FANCB: variants seen among roughly 807,000 people sequenced by gnomAD.
The protein encoded by FANCB is Fanconi anemia group B protein.
In FANCB, 5 loss-of-function variants were observed where a neutral mutation model predicts 38.9. The observed-to-expected ratio is 0.13, with a 90% CI of 0.07 to 0.27. The LOEUF (loss-of-function observed/expected upper bound fraction) is 0.27, where lower values mean the gene tolerates loss of function less well. Among genes scored for constraint, FANCB ranks in the 10% least tolerant of loss-of-function variants. FANCB has a pLI of 1.00. For synonymous variants in FANCB, 236 were observed against 215.4 expected (o/e 1.10, Z -0.84); for missense variants, 573 against 602.7 (o/e 0.95, Z 0.52).
At chrX:14,720,181 A>G in the FANCB span, among the ~76,000 whole-genome samples, 3 of 111,508 alleles carry the variant, frequency 2.7e-5, no homozygotes, top group African/African-American at 9.8e-5. Flanking sequence ...AGAAGAGAGG[A>G]TTTTGAATGT....
In FANCB at chrX:14,862,546, G is replaced by C. The variant is rs765591640; in HGVS notation, c.951+2014C>G. On this transcript the variant is annotated intron_variant, in intron 3 of 9. Transcript: ENST00000650831. ...AGGGGACCCACTTCAAGAGAGTGAC[G>C]ATTGCAATTAATGACACATAAAGGA... 4.5e-5 allele frequency among the ~76,000 whole-genome samples: 5 copies of C among 111,811 alleles called. No individual in the cohort carries two copies. In the South Asian group the frequency reaches 1.5e-3, roughly 33 times the overall value.
the FANCB span, among the ~76,000 whole-genome samples, chrX:14,807,911 A>C: frequency 8.9e-6 from 1 of 112,212 alleles, no homozygotes; most frequent in Non-Finnish European, 1.9e-5. Flanking sequence ...AATTCAAAGG[A>C]TCATTAATGG....
the FANCB span, among the ~76,000 whole-genome samples, chrX:14,770,098 G>A: frequency 8.9e-6 from 1 of 112,586 alleles, no homozygotes; most frequent in Non-Finnish European, 1.9e-5. Context: ...TGTGGGCAAT[G>A]AGAAGAATGT....
At chrX:14,827,513 C>T in the FANCB span, among the ~76,000 whole-genome samples, 1 of 111,393 alleles carries the variant, frequency 9.0e-6, no homozygotes, top group African/African-American at 3.3e-5. Context: ...ATTTTGAAGA[C>T]AACAGATTGG....
At chrX:14,735,323 G>A in the FANCB span, among the ~76,000 whole-genome samples, 7 of 110,737 alleles carry the variant, frequency 6.3e-5, no homozygotes, top group African/African-American at 2.0e-4. Flanking sequence ...TCTGTTTTTC[G>A]GAATTTTCAG....
the FANCB span, among the ~76,000 whole-genome samples, chrX:14,816,843 C>T: frequency 3.6e-5 from 4 of 111,760 alleles, no homozygotes; most frequent in Non-Finnish European, 5.6e-5. Context: ...AACACCTTCT[C>T]CTAGATCTAC....
At chrX:14,861,534 C>T (rs776202978) in intron 3 of FANCB, among the ~76,000 whole-genome samples, 1 of 111,329 alleles carries the variant, frequency 9.0e-6, no homozygotes, top group South Asian at 3.8e-4. Context: ...CTATTGCTTT[C>T]TATTTTGGGG....
the FANCB span, chrX:14,730,298 C>G: frequency 8.3e-7 from 1 of 1,208,111 alleles, no homozygotes; most frequent in Non-Finnish European, 1.1e-6. Context: ...GCTGTCAAGG[C>G]CACACCTGCC....
chrX:14,808,059 T>A, the FANCB span, among the ~76,000 whole-genome samples: 1 of 111,172 alleles, frequency 9.0e-6, no homozygotes, highest in Non-Finnish European at 1.9e-5. Flanking sequence ...AGTAACAATA[T>A]CAAAGCTGTA....
the FANCB span, among the ~76,000 whole-genome samples, chrX:14,689,657 A>G: frequency 8.9e-6 from 1 of 112,230 alleles, no homozygotes; most frequent in Non-Finnish European, 1.9e-5. Flanking sequence ...TCACACATGT[A>G]AAATGCTTAA....
chrX:14,777,352 T>C, the FANCB span, among the ~76,000 whole-genome samples: 1 of 111,913 alleles, frequency 8.9e-6, no homozygotes, highest in African/African-American at 3.3e-5. Context: ...CAGGAGAGAT[T>C]GAAAATAGCA....
At chrX:14,775,984 G>T in the FANCB span, among the ~76,000 whole-genome samples, 2 of 110,887 alleles carry the variant, frequency 1.8e-5, no homozygotes, top group African/African-American at 6.6e-5. Context: ...GTGCCCAGTG[G>T]ACAGGTCATC....
chrX:14,830,984 T>G (rs1015176594), downstream of FANCB, among the ~76,000 whole-genome samples: 1 of 112,214 alleles, frequency 8.9e-6, no homozygotes, highest in Non-Finnish European at 1.9e-5. Flanking sequence ...TTTAATGTCC[T>G]GACCTGGCAA....
chrX:14,829,444 C>A, the FANCB span, among the ~76,000 whole-genome samples: 1 of 111,318 alleles, frequency 9.0e-6, no homozygotes, highest in African/African-American at 3.3e-5. Context: ...AGTTTTGAAG[C>A]CAGGCATTGA....
chrX:14,791,598 C>T, the FANCB span, among the ~76,000 whole-genome samples: 3 of 112,031 alleles, frequency 2.7e-5, no homozygotes, highest in South Asian at 7.4e-4. Context: ...ACAGCTATGG[C>T]TGATATTACA....
At chrX:14,734,179 T>TTAGTCC in the FANCB span, among the ~76,000 whole-genome samples, 1 of 112,198 alleles carries the variant, frequency 8.9e-6, no homozygotes, top group Admixed American at 9.4e-5. Flanking sequence ...ACAAAGCCAG[T>TTAGTCC]TAGTCCTCAT....
chrX:14,731,933 TGCA>T, the FANCB span: 2 of 111,380 alleles, frequency 1.8e-5, no homozygotes, highest in African/African-American at 6.5e-5. Flanking sequence ...TTGCAGAACG[TGCA>T]GGTTTGTTAC....
downstream of FANCB, among the ~76,000 whole-genome samples, chrX:14,833,673 G>GT (rs1444536663): frequency 4.7e-5 from 2 of 42,133 alleles, no homozygotes; most frequent in Admixed American, 3.4e-4. Flanking sequence ...GAGGCTGGGT[G>GT]TGGGGGGGGT....
chrX:14,732,327 T>C, the FANCB span, among the ~76,000 whole-genome samples: 2 of 112,063 alleles, frequency 1.8e-5, no homozygotes, highest in African/African-American at 6.5e-5. Context: ...CTATTGTAAA[T>C]AGTGCTGCAA....
Sources: allele counts gnomAD v4.1 joint callset (sites outside exome capture counted in the v4.1 genomes callset), GRCh38; gene constraint gnomAD v4.1.1; transcripts MANE v1.5; gene names NCBI Gene and HGNC (gene_info 2026-07-23, HGNC 2026-07-21).